Variants in TEX14 observed in about 807,000 individuals in gnomAD.
TEX14 encodes the protein testis expressed 14, intercellular bridge forming factor.
TEX14 carries 168 observed loss-of-function variants against 178.6 expected under a neutral mutation model. The observed-to-expected ratio is 0.94, with a 90% CI of 0.83 to 1.07. The LOEUF (loss-of-function observed/expected upper bound fraction) is 1.07. TEX14 is among the 50% of genes least tolerant of loss of function. The probability of loss-of-function intolerance (pLI) is 0.00; values close to 1 mark genes in which losing one functional copy is unlikely to be tolerated. For synonymous variants in TEX14, 626 were observed against 634.1 expected (o/e 0.99, Z 0.19); for missense variants, 1,730 against 1,753.6 (o/e 0.99, Z 0.24).
chr17:58,559,524 T>C lies in TEX14; in HGVS notation c.4196A>G (p.Lys1399Arg). Reference protein sequence around the residue: ...NIKDQKVGEEKRKREDSITPE... With the variant: ...NIKDQKVGEERRKREDSITPE... Reference sequence around the variant, plus strand: ...TGTAATGCTATCTTCCCTTTTTCTTTTCTCTTCACCAACTTTTTGATCTTT... The same window carrying C: ...TGTAATGCTATCTTCCCTTTTTCTTCTCTCTTCACCAACTTTTTGATCTTT... Residue 1399 changes from lysine to arginine, a missense_variant, in exon 30 of 32, where the codon AAA becomes AGA. Lys to Arg is a conservative substitution (Grantham distance 26). Coordinates refer to ENST00000349033, the MANE Select transcript of TEX14 (RefSeq NM_031272.5). The C allele has an allele frequency of 1.3e-6, 2 of 1,580,064 alleles. No individual in the cohort carries two copies. The highest frequency in any genetic ancestry group is 1.7e-6 in the Non-Finnish European group (2 of 1,150,278).
chr17:58,650,671 A>C (rs542001343), intron 2 of TEX14, among the ~76,000 whole-genome samples: 77 of 152,092 alleles, frequency 5.1e-4, no homozygotes, highest in African/African-American at 1.8e-3. Context: ...AGTGTTGCCC[A>C]GGCTGGTCTC....
chr17:58,608,163 T>C (rs1452637840), intron 10 of TEX14, among the ~76,000 whole-genome samples: 1 of 151,810 alleles, frequency 6.6e-6, no homozygotes, highest in Non-Finnish European at 1.5e-5. Flanking sequence ...CACGCCTGTA[T>C]TCCCAGCACT....
At chr17:58,662,649 T>C (rs1198994816) in intron 1 of TEX14, among the ~76,000 whole-genome samples, 1 of 152,150 alleles carries the variant, frequency 6.6e-6, no homozygotes, top group East Asian at 1.9e-4. Context: ...TCCTAAGACA[T>C]GCCCCTCAGT....
chr17:58,655,623 A>C (rs971488981), intron 1 of TEX14, among the ~76,000 whole-genome samples: 1 of 152,082 alleles, frequency 6.6e-6, no homozygotes, highest in Non-Finnish European at 1.5e-5. Flanking sequence ...CCTGGCCAAT[A>C]AACTCCCTTC....
intron 11 of TEX14, among the ~76,000 whole-genome samples, chr17:58,604,412 A>G (rs945085367): frequency 3.3e-5 from 5 of 151,378 alleles, no homozygotes; most frequent in South Asian, 4.2e-4. Context: ...CAGAGGTTGC[A>G]GTAAACCGAG....
intron 21 of TEX14, among the ~76,000 whole-genome samples, chr17:58,576,235 C>T (rs1398933360): frequency 6.6e-6 from 1 of 152,178 alleles, no homozygotes; most frequent in East Asian, 1.9e-4. Context: ...CCTGTAATCC[C>T]AGCACTTTGG....
At chr17:58,646,387 C>T (rs2046707950) in intron 2 of TEX14, among the ~76,000 whole-genome samples, 1 of 152,192 alleles carries the variant, frequency 6.6e-6, no homozygotes, top group South Asian at 2.1e-4. Flanking sequence ...AGTTTCATCT[C>T]ACATCTCTCT....
intron 1 of TEX14, among the ~76,000 whole-genome samples, chr17:58,682,983 G>C (rs942172393): frequency 2.1e-4 from 31 of 150,234 alleles, no homozygotes; most frequent in Admixed American, 6.7e-5. Flanking sequence ...ACTTTGAGAG[G>C]CCAAGGTTGC....
intron 19 of TEX14, among the ~76,000 whole-genome samples, chr17:58,583,172 C>A (rs1456548117): frequency 6.6e-6 from 1 of 151,152 alleles, no homozygotes; most frequent in Non-Finnish European, 1.5e-5. Flanking sequence ...TCACTCTGTC[C>A]CCCAGGCTGG....
rs1248524718 is a variant in TEX14, at chr17:58,584,575, T to C, written c.3096A>G (p.Gln1032=). 3 of 1,614,094 alleles carry C rather than the reference T, an allele frequency of 1.9e-6. No homozygotes were observed. Among genetic ancestry groups the C allele is most frequent in the Non-Finnish European group, 2.5e-6 (3 of 1,179,958 alleles). ...FTSIRHPSPR[Q]KEQPEHSEAF... ...CTTCACTATGCTCTGGTTGCTCCTT[T>C]TGTCTGGGAGATGGGTGCCTGATAC... Residue 1032 remains glutamine (Q), a synonymous_variant, in exon 19 of 32, where the codon CAA becomes CAG. Coordinates refer to ENST00000349033, the MANE Select transcript of TEX14 (RefSeq NM_031272.5).
chr17:58,611,041 C>G (rs2144513960), intron 10 of TEX14, 120 bp downstream of exon 10: 1 of 716,892 alleles, frequency 1.4e-6, no homozygotes, highest in South Asian at 1.8e-5. Context: ...GGTTCAGCAA[C>G]TGATGAACAG....
At position 58,659,098 on chromosome 17, in the gene TEX14, T is replaced by C. The variant is rs191825334; in HGVS notation, c.-1-7096A>G. On this transcript the variant is annotated intron_variant, in intron 1 of 31. Transcript: ENST00000349033. ...CGCGCCACTACAACAACTCTGAAAA[T>C]AAACACACGCAACAACACACAAGCC... Among the ~76,000 whole-genome samples, 219 of 112,892 alleles carry C rather than the reference T, an allele frequency of 1.9e-3. 3 individuals are homozygous for C. The highest frequency in any genetic ancestry group is 4.0e-4 in the Non-Finnish European group (24 of 59,340). 74.1% of individuals were successfully genotyped at this position (112,892 alleles called of 152,430 possible).
chr17:58,557,128 C>T, intron 31 of TEX14, 81 bp from the exon 32 acceptor site: 1 of 1,122,628 alleles, frequency 8.9e-7, no homozygotes, highest in South Asian at 1.2e-5. Flanking sequence ...ACCACATCCT[C>T]TTTCTATTCA....
At chr17:58,679,447 A>G (rs2047454917) in intron 1 of TEX14, 1 of 152,148 alleles carries the variant, frequency 6.6e-6, no homozygotes, top group Non-Finnish European at 1.5e-5. Flanking sequence ...TCGCTATTCC[A>G]AAACAGGAGG....
chr17:58,641,126 G>A (rs571396299), intron 2 of TEX14, among the ~76,000 whole-genome samples: 1 of 152,252 alleles, frequency 6.6e-6, no homozygotes, highest in South Asian at 2.1e-4. Context: ...TAGCCAATCA[G>A]GTGGCTGAGA....
intron 1 of TEX14, chr17:58,660,650 T>C (rs1259167147): frequency 1.3e-6 from 1 of 786,942 alleles, no homozygotes; most frequent in Non-Finnish European, 2.4e-6. Flanking sequence ...TCGAGCTCTT[T>C]GGAGTGTTTG....
At chr17:58,605,767 A>G (rs552541518) in intron 10 of TEX14, among the ~76,000 whole-genome samples, 28 of 152,302 alleles carry the variant, frequency 1.8e-4, no homozygotes, top group Admixed American at 1.0e-3. Context: ...CACTTCCTCA[A>G]GGAGGCCCTC....
At chr17:58,681,340 G>A (rs2143558449) in intron 1 of TEX14, among the ~76,000 whole-genome samples, 1 of 152,264 alleles carries the variant, frequency 6.6e-6, no homozygotes, top group East Asian at 1.9e-4. Context: ...CTTAGATGGG[G>A]AGAAAAAGAA....
intron 26 of TEX14, 36 bp from the exon 27 acceptor site, chr17:58,565,860 C>T: frequency 1.3e-6 from 2 of 1,542,558 alleles, no homozygotes; most frequent in East Asian, 2.3e-5. Flanking sequence ...AACTTATTTC[C>T]TCCCTTGCGT....
Sources: allele counts gnomAD v4.1 joint callset (sites outside exome capture counted in the v4.1 genomes callset), GRCh38; gene constraint gnomAD v4.1.1; transcripts MANE v1.5; gene names NCBI Gene and HGNC (gene_info 2026-07-23, HGNC 2026-07-21).